Variants in MYH4 observed in about 807,000 individuals in gnomAD.
MYH4 encodes myosin heavy chain 4, also known as myosin-4.
Under a neutral mutation model 229.9 loss-of-function variants are expected in MYH4, and 200 were observed. The observed-to-expected ratio is 0.87, with a 90% CI of 0.78 to 0.98. The LOEUF is 0.98. Ranked by LOEUF, MYH4 falls within the 50% of genes least tolerant of loss-of-function variation. The pLI, the probability that MYH4 is intolerant of heterozygous loss-of-function variation, is 0.00. For missense variants in MYH4, 2,148 were observed against 2,332.6 expected (o/e 0.92, Z 1.63); for synonymous variants, 761 against 834.6 (o/e 0.91, Z 1.52).
At position 10,447,167 on chromosome 17, in the gene MYH4, T is replaced by C. The variant is rs1460737267; in HGVS notation, c.5015A>G (p.Lys1672Arg). ...GCGCTCAACCATTGCCAGTTGTTCC[T>C]TAAGGTCATCTTGGCCTCTGATGGC... ...DDAIRGQDDLKEQLAMVERRA... is the reference protein window; with the variant it reads ...DDAIRGQDDLREQLAMVERRA... The change falls in exon 35 of 40, where the codon AAG becomes AGG. Residue 1672 changes from lysine (K) to arginine (R), a missense_variant. Transcript: ENST00000255381. 6.2e-7 allele frequency: 1 copy of C among 1,614,174 alleles called. No homozygotes were observed.
chr17:10,448,395 C>A lies in MYH4; in HGVS notation c.4656+1G>T, dbSNP rs1210814517. On this transcript the variant is annotated splice_donor_variant, in intron 33 of 39. Transcript: ENST00000255381. LOFTEE classifies it high-confidence loss of function. ...CAGAGCTAAGCAAATGAAAAATGTA[C>A]CTCTGCTTCCTCTAGGGAAGTCTGT... is the stretch of plus-strand genomic sequence containing the variant. 7 of 1,607,842 alleles carry A rather than the reference C, an allele frequency of 4.4e-6. No individual in the cohort carries two copies. The highest frequency in any genetic ancestry group is 5.9e-6 in the Non-Finnish European group (7 of 1,178,382).
intron 11 of MYH4, among the ~76,000 whole-genome samples, chr17:10,462,375 C>T (rs569777142): frequency 1.7e-3 from 266 of 152,196 alleles, no homozygotes; most frequent in Non-Finnish European, 2.1e-3. Context: ...AAGTAGACAA[C>T]CCACTTCTTC....
rs2072561037 is a variant in MYH4, at chr17:10,450,547, TC to T, written c.4086del (p.Arg1363GlyfsTer35). The T allele has an allele frequency of 6.2e-7, 1 of 1,614,074 alleles. No individual in the cohort carries two copies. Among genetic ancestry groups the T allele is most frequent in the Admixed American group, 1.7e-5 (1 of 60,006 alleles). ...EEEQEAKAEL[Q>X]RGMSKANSEV... ...TCACTGTTGGCCTTGGACATTCCCCTCTGCAGCTCAGCCTTGGCTTCCTGCT... is the reference window on the plus strand; with the variant it reads ...TCACTGTTGGCCTTGGACATTCCCCTTGCAGCTCAGCCTTGGCTTCCTGCT... On this transcript the variant is annotated frameshift_variant, in exon 30 of 40. Coordinates refer to ENST00000255381, the MANE Select transcript of MYH4 (RefSeq NM_017533.2). LOFTEE classifies it high-confidence loss of function.
intron 15 of MYH4, 136 bp downstream of exon 15, chr17:10,459,115 C>T (rs2072672733): frequency 8.5e-6 from 12 of 1,419,308 alleles, no homozygotes; most frequent in Non-Finnish European, 1.1e-5. Context: ...TTGGAACATA[C>T]CTCACAACCA....
intron 39 of MYH4, among the ~76,000 whole-genome samples, chr17:10,444,375 T>G (rs531243819): frequency 6.6e-6 from 1 of 152,280 alleles, no homozygotes; most frequent in African/African-American, 2.4e-5. Flanking sequence ...AAGAAACATT[T>G]GTATGTTAAC....
intron 13 of MYH4, 46 bp from the exon 14 acceptor site, chr17:10,460,147 T>A: frequency 6.2e-7 from 1 of 1,613,604 alleles, no homozygotes; most frequent in Non-Finnish European, 8.5e-7. Flanking sequence ...AAAACAGTGA[T>A]GAACTCCTGA....
chr17:10,467,012 TGTTGTAAA>T (rs897739498), intron 2 of MYH4, among the ~76,000 whole-genome samples: 7 of 152,240 alleles, frequency 4.6e-5, no homozygotes, highest in Middle Eastern at 3.2e-3. Flanking sequence ...CCATCCTCTA[TGTTGTAAA>T]CCTTAGTTGA....
chr17:10,467,646 C>T (rs986143879), intron 2 of MYH4, among the ~76,000 whole-genome samples: 11 of 152,124 alleles, frequency 7.2e-5, no homozygotes, highest in Non-Finnish European at 1.5e-4. Context: ...ATTTTAAAAT[C>T]TGATTCTTAT....
In MYH4 at chr17:10,459,398, G is replaced by A. The variant is rs767729610; in HGVS notation, c.1440C>T (p.Cys480=). 1.2e-6 allele frequency: 2 copies of A among 1,614,012 alleles called. No homozygotes were observed. The highest frequency in any genetic ancestry group is 1.7e-6 in the Non-Finnish European group (2 of 1,180,022). ...IFDFNSLEQL[C]INFTNEKLQQ... is the part of the protein sequence containing the mutation. Reference sequence around the variant, plus strand: ...GCAGTTTCTCGTTGGTGAAGTTGATGCACAGCTGCTCCAGGCTGTTGAACT... The same window carrying A: ...GCAGTTTCTCGTTGGTGAAGTTGATACACAGCTGCTCCAGGCTGTTGAACT... The change falls in exon 15 of 40, where the codon TGC becomes TGT. Residue 480 remains cysteine (C), a synonymous_variant. Coordinates refer to ENST00000255381, the MANE Select transcript of MYH4 (RefSeq NM_017533.2).
Position 10,451,345 on chromosome 17 carries a change from T to C in MYH4, c.3846A>G (p.Ala1282=), listed in dbSNP as rs1459836780. Residue 1282 remains alanine, a synonymous_variant, in exon 28 of 40, where the codon GCA becomes GCG. Coordinates refer to ENST00000255381, the MANE Select transcript of MYH4 (RefSeq NM_017533.2). Reference sequence around the variant, plus strand: ...ACTGACCTGATTCTGTGTGTAAACGTGCCTTCTGGGCTGACAACTCATTTA... The same window carrying C: ...ACTGACCTGATTCTGTGTGTAAACGCGCCTTCTGGGCTGACAACTCATTTA... The part of the protein sequence containing the change: ...RLINELSAQK[A]RLHTESGEFS... 1.9e-6 allele frequency: 3 copies of C among 1,613,924 alleles called. 1 individual carries two copies. Among genetic ancestry groups the C allele is most frequent in the Non-Finnish European group, 8.5e-7 (1 of 1,179,996 alleles).
chr17:10,452,521 A>T lies in MYH4; in HGVS notation c.3258-15T>A, dbSNP rs892461825. On this transcript the variant is annotated splice_polypyrimidine_tract_variant and intron_variant, in intron 25 of 39. Transcript: ENST00000255381. ...CAAACTCTTTCCTATTAGAAGAGCA[A>T]CACATTAGCTTATAATCACTTCTCT... is the stretch of plus-strand genomic sequence containing the variant. 9.9e-6 allele frequency: 16 copies of T among 1,608,788 alleles called. No individual in the cohort carries two copies. The highest frequency in any genetic ancestry group is 1.4e-5 in the Non-Finnish European group (16 of 1,175,820).
In MYH4 at chr17:10,463,566, G is replaced by T. The variant is rs2072726452; in HGVS notation, c.726C>A (p.Asp242Glu). The change falls in exon 8 of 40, where the codon GAC becomes GAA. Residue 242 changes from aspartate (D) to glutamate (E), a missense_variant. Coordinates refer to ENST00000255381, the MANE Select transcript of MYH4 (RefSeq NM_017533.2). The part of the protein sequence containing the change: ...AFGNAKTVRN[D>E]NSSRFGKFIR... ...AGAGACTTACAAAGCGAGAGGAGTT[G>T]TCATTCCTCACGGTCTTGGCATTGC... 6.2e-7 allele frequency: 1 copy of T among 1,612,712 alleles called. No homozygotes were observed. Among genetic ancestry groups the T allele is most frequent in the East Asian group, 2.2e-5 (1 of 44,872 alleles).
rs897886586 is a variant in MYH4, at chr17:10,460,245, C to G, written c.1224G>C (p.Lys408Asn). Residue 408 changes from lysine (K) to asparagine (N), a missense_variant, in exon 13 of 40, where the codon AAG becomes AAC. By Grantham distance (94) the Lys-to-Asn change is moderately conservative (BLOSUM62 0). Transcript: ENST00000255381. ...LLKSLCYPRV[K>N]VGNEFVTKGQ... ...CTTTGGTTACGAACTCATTGCCGAC[C>G]TTGACTCTGGGATAGCAGAGAGATT... 1.2e-6 allele frequency: 2 copies of G among 1,613,964 alleles called. No individual in the cohort carries two copies. The highest frequency in any genetic ancestry group is 1.3e-5 in the African/African-American group (1 of 74,926).
intron 19 of MYH4, 34 bp from the exon 20 acceptor site, chr17:10,455,329 T>C (rs2072627251): frequency 6.3e-7 from 1 of 1,588,662 alleles, no homozygotes; most frequent in Non-Finnish European, 8.6e-7. Context: ...AAATGTGGTT[T>C]TTCTTCACTG....
chr17:10,450,532 C>A lies in MYH4; in HGVS notation c.4102G>T (p.Ala1368Ser). 6.2e-7 allele frequency: 1 copy of A among 1,614,134 alleles called. No individual in the cohort carries two copies. The highest frequency in any genetic ancestry group is 8.5e-7 in the Non-Finnish European group (1 of 1,179,986). The change falls in exon 30 of 40, where the codon GCC becomes TCC. Residue 1368 changes from alanine (A) to serine (S), a missense_variant. By Grantham distance (99) the Ala-to-Ser change is moderately conservative (BLOSUM62 1). Transcript: ENST00000255381. ...KAELQRGMSK[A>S]NSEVAQWRTK... is the part of the protein sequence containing the mutation. Reference sequence around the variant, plus strand: ...CTCCACTGGGCAACCTCACTGTTGGCCTTGGACATTCCCCTCTGCAGCTCA... The same window carrying A: ...CTCCACTGGGCAACCTCACTGTTGGACTTGGACATTCCCCTCTGCAGCTCA...
rs1261857006 is a variant in MYH4, at chr17:10,443,639, GT to G, written c.5668-113del. On this transcript the variant is annotated intron_variant, in intron 39 of 39. Transcript: ENST00000255381. The surrounding 1 kb of genome is among the most constrained non-coding windows in gnomAD (Gnocchi z 4.6). ...GAATGAGAAAGAAAAAGGCTCCGTT[GT>G]CCAGGCATGGTGGCTCACACCTGTA... The G allele has an allele frequency of 2.6e-6, 3 of 1,175,836 alleles. No homozygotes were observed. Among genetic ancestry groups the G allele is most frequent in the Non-Finnish European group, 3.6e-6 (3 of 839,054 alleles). 72.8% of individuals were successfully genotyped at this position (1,175,836 alleles called of 1,614,324 possible).
Position 10,466,783 on chromosome 17 carries a change from A to G in MYH4, c.-38T>C. 1 of 1,610,114 alleles carries G rather than the reference A, an allele frequency of 6.2e-7. No homozygotes were observed. The highest frequency in any genetic ancestry group is 1.1e-5 in the South Asian group (1 of 90,972). ...TTGATGGCAGTACTGGACTAGGTAT[A>G]CCTAGAGGAAGAAACAGAGCCAAAT... On this transcript the variant is annotated splice_region_variant and 5_prime_UTR_variant, in exon 3 of 40. Coordinates refer to ENST00000255381, the MANE Select transcript of MYH4 (RefSeq NM_017533.2).
At chr17:10,452,725 C>G in intron 25 of MYH4, 62 bp downstream of exon 25, 1 of 1,502,444 alleles carries the variant, frequency 6.7e-7, no homozygotes, top group South Asian at 1.3e-5. Flanking sequence ...ATCTTTTTAG[C>G]GTATGTTTCA....
At chr17:10,464,439 G>A in intron 7 of MYH4, 33 bp downstream of exon 7, 2 of 1,575,838 alleles carry the variant, frequency 1.3e-6, no homozygotes, top group Non-Finnish European at 1.7e-6. Flanking sequence ...TTTAAAATCT[G>A]TTATTCTGTC....
Sources: allele counts gnomAD v4.1 joint callset (sites outside exome capture counted in the v4.1 genomes callset), GRCh38; gene constraint gnomAD v4.1.1; non-coding constraint Gnocchi (gnomAD v3.1); transcripts MANE v1.5; gene names NCBI Gene and HGNC (gene_info 2026-07-23, HGNC 2026-07-21).